Variants in PSMF1 observed in about 807,000 individuals in gnomAD.
The protein encoded by PSMF1 is proteasome inhibitor subunit 1.
A neutral mutation model predicts 29.3 loss-of-function variants in PSMF1; 30 were observed. That is an observed-to-expected ratio of 1.02 (90% CI 0.77 to 1.39). The LOEUF is 1.39. Ranked by LOEUF, PSMF1 falls within the 40% of genes most tolerant of loss-of-function variation. The probability of loss-of-function intolerance (pLI) is 0.00; values close to 1 mark genes in which losing one functional copy is unlikely to be tolerated. For missense variants in PSMF1, 344 were observed against 357.5 expected (o/e 0.96, Z 0.31); for synonymous variants, 134 against 139.7 (o/e 0.96, Z 0.29).
At chr20:1,132,394 A>G (rs187024520) in intron 3 of PSMF1, among the ~76,000 whole-genome samples, 1 of 151,634 alleles carries the variant, frequency 6.6e-6, no homozygotes, top group Non-Finnish European at 1.5e-5. Flanking sequence ...TCCTGCCTCA[A>G]CCTTCTGAGT....
chr20:1,132,564 C>T (rs760439031), intron 3 of PSMF1, among the ~76,000 whole-genome samples: 3 of 152,080 alleles, frequency 2.0e-5, no homozygotes, highest in Middle Eastern at 3.2e-3. Flanking sequence ...CGTGAGCCAC[C>T]GCACCTGGCC....
At position 1,165,908 on chromosome 20, in the gene PSMF1, TCTC is replaced by T. The variant is rs1278089447; in HGVS notation, c.*832_*834del. ...AGTGAATGACCCTAAGCAAGTTCCT[TCTC>T]CTCTTAGGGCCTTGTGCCAAGCCTA... On this transcript the variant is annotated 3_prime_UTR_variant, in exon 7 of 7. Coordinates refer to ENST00000335877, the MANE Select transcript of PSMF1 (RefSeq NM_006814.5). The T allele has an allele frequency of 6.2e-6, 8 of 1,284,656 alleles. No homozygotes were observed. Among genetic ancestry groups the T allele is most frequent in the East Asian group, 6.6e-5 (2 of 30,470 alleles). The allele number at this position is 1,284,656 out of a possible 1,614,324, so 79.6% of individuals were successfully genotyped here.
chr20:1,128,089 G>A (rs2086183344), intron 3 of PSMF1, among the ~76,000 whole-genome samples: 1 of 152,156 alleles, frequency 6.6e-6, no homozygotes, highest in East Asian at 1.9e-4. Flanking sequence ...GAGAATGTGT[G>A]TCTATCATAG....
At position 1,153,789 on chromosome 20, in the gene PSMF1, A is replaced by G. The variant is rs6108711; in HGVS notation, c.552-9341A>G. Among the ~76,000 whole-genome samples, 865 of 152,284 alleles carry G rather than the reference A, an allele frequency of 5.7e-3. 12 individuals are homozygous for G. The highest frequency in any genetic ancestry group is 0.019 in the African/African-American group (804 of 41,548). On this transcript the variant is annotated intron_variant, in intron 4 of 6. Transcript: ENST00000335877. The stretch of plus-strand genomic sequence containing the variant: ...CATTAGCTTGAAGGACCAAGATCTA[A>G]TCATCTCAGTCAGGTGCAGTTGAGG...
At position 1,166,334 on chromosome 20, in the gene PSMF1, C is replaced by T. The variant is rs2122625761; in HGVS notation, c.*1254C>T. 7.1e-7 allele frequency: 1 copy of T among 1,398,820 alleles called. No individual in the cohort carries two copies. The highest frequency in any genetic ancestry group is 1.4e-5 in the African/African-American group (1 of 70,698). The allele number at this position is 1,398,820 out of a possible 1,614,324, so 86.7% of individuals were successfully genotyped here. On this transcript the variant is annotated 3_prime_UTR_variant, in exon 7 of 7. Coordinates refer to ENST00000335877, the MANE Select transcript of PSMF1 (RefSeq NM_006814.5). ...GAGATCAAGGCGGTAGTCACTTCCG[C>T]TCTGCAGCTAGCATTTCAACCATAT...
rs2086760347 is a variant in PSMF1, at chr20:1,168,796, A to G, written c.*3716A>G. On this transcript the variant is annotated 3_prime_UTR_variant, in exon 7 of 7. Coordinates refer to ENST00000335877, the MANE Select transcript of PSMF1 (RefSeq NM_006814.5). Reference sequence around the variant, plus strand: ...GAATATTAGAATCTATGGAGCAGTTAGTATTCTTTGTCACCTAAATTTGTC... The same window carrying G: ...GAATATTAGAATCTATGGAGCAGTTGGTATTCTTTGTCACCTAAATTTGTC... Among the ~76,000 whole-genome samples the G allele has an allele frequency of 6.6e-6, 1 of 152,178 alleles. No individual in the cohort carries two copies. The highest frequency in any genetic ancestry group is 2.1e-4 in the South Asian group (1 of 4,830).
chr20:1,147,527 C>G (rs189611429), intron 4 of PSMF1, among the ~76,000 whole-genome samples: 5 of 152,310 alleles, frequency 3.3e-5, no homozygotes, highest in African/African-American at 1.2e-4. Context: ...CATCCCCTTT[C>G]TCCTCCTCAA....
At chr20:1,150,355 C>T (rs1489801566) in intron 4 of PSMF1, among the ~76,000 whole-genome samples, 3 of 152,030 alleles carry the variant, frequency 2.0e-5, no homozygotes, top group Non-Finnish European at 4.4e-5. Flanking sequence ...GCAATAACGG[C>T]CAGGTTAGTG....
upstream of PSMF1, among the ~76,000 whole-genome samples, chr20:1,116,158 C>T (rs1411581797): frequency 6.6e-6 from 1 of 152,024 alleles, no homozygotes; most frequent in Non-Finnish European, 1.5e-5. Context: ...TAAGTGGACA[C>T]CCTGCACTAT....
chr20:1,165,772 T>G lies in PSMF1; in HGVS notation c.*692T>G. On this transcript the variant is annotated 3_prime_UTR_variant, in exon 7 of 7. Transcript: ENST00000335877. ...TGATGAGGCAAAATCCTCCAGCTAT[T>G]CCTGTCTGGGCCAGTTTTGTAGGTC... 9.8e-7 allele frequency: 1 copy of G among 1,024,516 alleles called. No individual in the cohort carries two copies. The allele number at this position is 1,024,516 out of a possible 1,614,324, so 63.5% of individuals were successfully genotyped here.
At chr20:1,140,970 A>G (rs2086373130) in intron 4 of PSMF1, among the ~76,000 whole-genome samples, 1 of 152,256 alleles carries the variant, frequency 6.6e-6, no homozygotes, top group Non-Finnish European at 1.5e-5. Flanking sequence ...AGCAAATATG[A>G]TATATGCTTA....
At position 1,135,108 on chromosome 20, in the gene PSMF1, C is replaced by T. The variant is rs373752676; in HGVS notation, c.366-13C>T. The T allele has an allele frequency of 3.1e-5, 50 of 1,613,978 alleles. No individual in the cohort carries two copies. The highest frequency in any genetic ancestry group is 4.2e-5 in the Non-Finnish European group (50 of 1,179,938). On this transcript the variant is annotated splice_polypyrimidine_tract_variant and intron_variant, in intron 3 of 6. Coordinates refer to ENST00000335877, the MANE Select transcript of PSMF1 (RefSeq NM_006814.5). ...CAACTGCAAGCAGTTGACTCTTCATCTGCTTCCTGCAGGACCTACAAGAAC... is the reference window on the plus strand; with the variant it reads ...CAACTGCAAGCAGTTGACTCTTCATTTGCTTCCTGCAGGACCTACAAGAAC...
chr20:1,161,670 C>T, intron 4 of PSMF1: 1 of 666,436 alleles, frequency 1.5e-6, no homozygotes, highest in Non-Finnish European at 2.8e-6. Flanking sequence ...AAGTCGGGCC[C>T]CTCCATGTCC....
intron 4 of PSMF1, among the ~76,000 whole-genome samples, chr20:1,162,923 G>C (rs1464564270): frequency 1.3e-5 from 2 of 152,098 alleles, no homozygotes; most frequent in African/African-American, 4.8e-5. Context: ...TTTAATCTAT[G>C]TTTTTAGGTT....
In PSMF1 at chr20:1,163,204, G is replaced by A. The variant is rs1312220700; in HGVS notation, c.605+21G>A. 1 of 1,613,148 alleles carries A rather than the reference G, an allele frequency of 6.2e-7. No homozygotes were observed. The highest frequency in any genetic ancestry group is 8.5e-7 in the Non-Finnish European group (1 of 1,179,356). On this transcript the variant is annotated intron_variant, in intron 5 of 6. Coordinates refer to ENST00000335877, the MANE Select transcript of PSMF1 (RefSeq NM_006814.5). This position sits in a 1 kb window ranked among gnomAD's most constrained non-coding sequence, Gnocchi z 6.1. ...TTTGGGTGAGTACTGCTGGGGAGGTGGCAGCAACACAACTTGCTTTTGTGG... is the reference window on the plus strand; with the variant it reads ...TTTGGGTGAGTACTGCTGGGGAGGTAGCAGCAACACAACTTGCTTTTGTGG...
chr20:1,140,011 G>A (rs6032918), intron 4 of PSMF1, among the ~76,000 whole-genome samples: 4,472 of 152,202 alleles, frequency 0.029, 201 homozygotes, highest in African/African-American at 0.1. Context: ...ATTAATATTA[G>A]CCATACTCCC....
At position 1,164,991 on chromosome 20, in the gene PSMF1, C is replaced by A; in HGVS notation, c.765-38C>A. The stretch of plus-strand genomic sequence containing the variant: ...GTCTGCCCATGTTCCCCTGGTCTCT[C>A]CATCACTCCAACTCATCAGCCCCTC... On this transcript the variant is annotated intron_variant, in intron 6 of 6. Transcript: ENST00000335877. The surrounding 1 kb of genome is among the most constrained non-coding windows in gnomAD (Gnocchi z 4.1). The A allele has an allele frequency of 6.4e-7, 1 of 1,555,392 alleles. No individual in the cohort carries two copies. Among genetic ancestry groups the A allele is most frequent in the Non-Finnish European group, 8.9e-7 (1 of 1,126,678 alleles).
upstream of PSMF1, chr20:1,118,518 C>A (rs2086035229): frequency 8.3e-6 from 3 of 362,186 alleles, no homozygotes; most frequent in Non-Finnish European, 1.0e-5. Flanking sequence ...CGCTCGCACT[C>A]CCTGGCGGAA....
chr20:1,141,265 T>C (rs918240112), intron 4 of PSMF1, among the ~76,000 whole-genome samples: 1 of 152,214 alleles, frequency 6.6e-6, no homozygotes, highest in South Asian at 2.1e-4. Context: ...CATTTGCATA[T>C]TCTGTGAACA....
Sources: gnomAD v4.1 joint callset for allele counts (sites outside exome capture counted in the v4.1 genomes callset) on GRCh38, gnomAD v4.1.1 for gene constraint, Gnocchi (gnomAD v3.1) non-coding constraint, MANE v1.5 for transcripts, NCBI Gene and HGNC (gene_info 2026-07-23, HGNC 2026-07-21) for gene names.